The following ETHE1 variants were observed in gnomAD, a reference collection of about 807,000 sequenced individuals.
ETHE1 encodes the protein persulfide dioxygenase ETHE1, mitochondrial.
A neutral mutation model predicts 25.7 loss-of-function variants in ETHE1; 16 were observed. The ratio of observed to expected loss-of-function variants is 0.62; its 90% CI spans 0.42 to 0.95. The LOEUF (loss-of-function observed/expected upper bound fraction) is 0.95. ETHE1 is among the 40% of genes least tolerant of loss of function. ETHE1 has a pLI of 0.00. For synonymous variants in ETHE1, 139 were observed against 135.9 expected, an observed-to-expected ratio of 1.02 and a Z score of -0.16; for missense variants, 300 against 333.6, an observed-to-expected ratio of 0.90 and a Z score of 0.79.
intron 3 of ETHE1, among the ~76,000 whole-genome samples, chr19:43,522,521 T>G (rs137916343): frequency 1.5e-3 from 221 of 152,328 alleles, no homozygotes; most frequent in African/African-American, 5.1e-3. Flanking sequence ...TTGTCACTCA[T>G]GCTGGAGTGC....
At chr19:43,524,324 G>A (rs1165901343) in intron 3 of ETHE1, among the ~76,000 whole-genome samples, 1 of 151,156 alleles carries the variant, frequency 6.6e-6, no homozygotes, top group Non-Finnish European at 1.5e-5. Flanking sequence ...GGTGGAGGTT[G>A]CAGTAAACCA....
chr19:43,519,330 T>G (rs1203525216), intron 3 of ETHE1, among the ~76,000 whole-genome samples: 1 of 152,136 alleles, frequency 6.6e-6, no homozygotes, highest in African/African-American at 2.4e-5. Context: ...TGTATTGTTA[T>G]ATTTTGTACT....
Position 43,527,097 on chromosome 19 carries a change from C to T in ETHE1, c.81G>A (p.Gln27=), listed in dbSNP as rs778324841. The change falls in exon 1 of 7, where the codon CAG becomes CAA. Residue 27 remains glutamine, a splice_region_variant and synonymous_variant. Coordinates refer to ENST00000292147, the MANE Select transcript of ETHE1 (RefSeq NM_014297.5). ...GGSGAPILLR[Q]MFEPVSCTFT... is the part of the protein sequence containing the mutation. Reference sequence around the variant, plus strand: ...CCCTCCTAGGTCCAGCCACCCGCACCTGCCGCAGGAGGATGGGGGCTCCAG... The same window carrying T: ...CCCTCCTAGGTCCAGCCACCCGCACTTGCCGCAGGAGGATGGGGGCTCCAG... The T allele has an allele frequency of 7.1e-6, 11 of 1,554,936 alleles. No individual in the cohort carries two copies. Among genetic ancestry groups the T allele is most frequent in the Non-Finnish European group, 9.5e-6 (11 of 1,152,748 alleles).
intron 3 of ETHE1, among the ~76,000 whole-genome samples, chr19:43,519,951 C>G (rs1288183185): frequency 6.6e-6 from 1 of 151,444 alleles, no homozygotes; most frequent in East Asian, 1.9e-4. Flanking sequence ...TGATGGTGCA[C>G]GTCTGTAGGC....
At chr19:43,525,134 A>AAAAAG (rs1972214004) in intron 3 of ETHE1, among the ~76,000 whole-genome samples, 2 of 150,574 alleles carry the variant, frequency 1.3e-5, no homozygotes, top group Non-Finnish European at 2.9e-5. Context: ...ATAAAAAAAA[A>AAAAAG]AAAGAAAGAA....
chr19:43,511,613 A>G lies in ETHE1; in HGVS notation c.376-47T>C, dbSNP rs1244606823. On this transcript the variant is annotated intron_variant, in intron 3 of 6. Coordinates refer to ENST00000292147, the MANE Select transcript of ETHE1 (RefSeq NM_014297.5). ...AGAGATAGTCACCAAGAAGCCTTCTAGATGAAACTGGCCCCCAAAGCCCCA... is the reference window on the plus strand; with the variant it reads ...AGAGATAGTCACCAAGAAGCCTTCTGGATGAAACTGGCCCCCAAAGCCCCA... The G allele has an allele frequency of 2.5e-6, 4 of 1,601,132 alleles. No homozygotes were observed. The Admixed American group carries it at 6.7e-5, about 27-fold the overall frequency.
At chr19:43,521,473 C>T (rs1972137595) in intron 3 of ETHE1, among the ~76,000 whole-genome samples, 3 of 152,048 alleles carry the variant, frequency 2.0e-5, no homozygotes, top group South Asian at 2.1e-4. Flanking sequence ...GGGCTTCACA[C>T]CTAGAAGGGG....
intron 4 of ETHE1, among the ~76,000 whole-genome samples, chr19:43,509,245 C>CT (rs1381713759): frequency 2.6e-5 from 4 of 152,162 alleles, no homozygotes; most frequent in Non-Finnish European, 5.9e-5. Flanking sequence ...GCCTGTAATC[C>CT]TAGCACTTTG....
intron 4 of ETHE1, among the ~76,000 whole-genome samples, chr19:43,510,718 C>T (rs560280771): frequency 2.6e-5 from 4 of 151,238 alleles, no homozygotes; most frequent in African/African-American, 9.7e-5. Flanking sequence ...AAATAGGTAA[C>T]TAACACACCC....
At chr19:43,519,630 A>G in intron 3 of ETHE1, among the ~76,000 whole-genome samples, 1 of 152,166 alleles carries the variant, frequency 6.6e-6, no homozygotes, top group East Asian at 1.9e-4. Context: ...CCTGTAAAGC[A>G]TTCAGCTTGC....
At chr19:43,517,613 CA>C (rs1465640869) in intron 3 of ETHE1, among the ~76,000 whole-genome samples, 1 of 151,504 alleles carries the variant, frequency 6.6e-6, no homozygotes, top group Non-Finnish European at 1.5e-5. Context: ...CCCATCTCCA[CA>C]AAACATACAA....
chr19:43,517,039 G>A (rs932992279), intron 3 of ETHE1, among the ~76,000 whole-genome samples: 3 of 151,452 alleles, frequency 2.0e-5, no homozygotes, highest in African/African-American at 4.9e-5. Context: ...GACCAGCCTG[G>A]TCTTGAACTC....
At chr19:43,525,244 T>TACATACATGTACAATGC (rs1972218024) in intron 3 of ETHE1, among the ~76,000 whole-genome samples, 1 of 152,160 alleles carries the variant, frequency 6.6e-6, no homozygotes, top group Non-Finnish European at 1.5e-5. Context: ...ATGTACAATG[T>TACATACATGTACAATGC]ACATACATGT....
chr19:43,520,035 G>A (rs1177449770), intron 3 of ETHE1, among the ~76,000 whole-genome samples: 2 of 139,858 alleles, frequency 1.4e-5, no homozygotes, highest in Non-Finnish European at 3.1e-5. Flanking sequence ...AACATAGCGA[G>A]ACCCCCACCC....
chr19:43,514,791 A>G (rs972350134), intron 3 of ETHE1, among the ~76,000 whole-genome samples: 29 of 152,046 alleles, frequency 1.9e-4, no homozygotes, highest in African/African-American at 6.8e-4. Flanking sequence ...GCCTTCAGGT[A>G]TGTCTTTATT....
At chr19:43,526,166 C>T (rs1470137861) in intron 3 of ETHE1, 35 bp downstream of exon 3, 1 of 1,614,010 alleles carries the variant, frequency 6.2e-7, no homozygotes, top group Non-Finnish European at 8.5e-7. Flanking sequence ...GAAGTCCAGG[C>T]CACCACCCTC....
At chr19:43,522,555 C>T (rs548483569) in intron 3 of ETHE1, among the ~76,000 whole-genome samples, 1 of 152,312 alleles carries the variant, frequency 6.6e-6, no homozygotes, top group East Asian at 1.9e-4. Flanking sequence ...GGGCTCACTG[C>T]AACCTCCACC....
intron 3 of ETHE1, among the ~76,000 whole-genome samples, chr19:43,520,106 T>C (rs903073658): frequency 1.3e-5 from 2 of 151,150 alleles, no homozygotes; most frequent in African/African-American, 2.4e-5. Flanking sequence ...CTTAGCACTT[T>C]GGGAGGTCAA....
At chr19:43,511,948 T>G (rs1289636591) in intron 3 of ETHE1, among the ~76,000 whole-genome samples, 4 of 152,118 alleles carry the variant, frequency 2.6e-5, no homozygotes, top group Non-Finnish European at 4.4e-5. Flanking sequence ...TTTCCCATGC[T>G]GTCTCGTGAT....
Sources: gnomAD v4.1 joint callset for allele counts (sites outside exome capture counted in the v4.1 genomes callset) on GRCh38, gnomAD v4.1.1 for gene constraint, MANE v1.5 for transcripts, NCBI Gene and HGNC (gene_info 2026-07-23, HGNC 2026-07-21) for gene names.